STK33: variants seen among roughly 807,000 people sequenced by gnomAD.
STK33 encodes serine/threonine kinase 33.
In STK33, 52 loss-of-function variants were observed where a neutral mutation model predicts 58.0. The ratio of observed to expected loss-of-function variants is 0.90; its 90% confidence interval spans 0.72 to 1.13. The LOEUF (loss-of-function observed/expected upper bound fraction) is 1.13. Among genes scored for constraint, STK33 ranks in the 50% most tolerant of loss-of-function variants. STK33 has a pLI of 0.00. For synonymous variants in STK33, 215 were observed against 200.1 expected, an observed-to-expected ratio of 1.07 and a Z score of -0.63; for missense variants, 630 against 604.2, an observed-to-expected ratio of 1.04 and a Z score of -0.45.
At chr11:8,347,247 C>A in the STK33 span, among the ~76,000 whole-genome samples, 13 of 152,326 alleles carry the variant, frequency 8.5e-5, 1 homozygote, top group East Asian at 2.5e-3. Flanking sequence ...GAAGGACATC[C>A]GGCCTACTGC....
chr11:8,455,126 G>C (rs1426003874), intron 9 of STK33, among the ~76,000 whole-genome samples: 2 of 152,100 alleles, frequency 1.3e-5, no homozygotes, highest in African/African-American at 4.8e-5. Context: ...CCATGCTTAG[G>C]TATTCCCAGG....
intron 1 of STK33, among the ~76,000 whole-genome samples, chr11:8,585,253 C>T: frequency 1.1e-5 from 1 of 93,618 alleles, no homozygotes; most frequent in South Asian, 3.4e-4. Flanking sequence ...GAGACGGAGT[C>T]TCACTCTGTC....
rs542078125 is a variant in STK33, at chr11:8,476,711, C to T, written c.-186G>A. 2.0e-5 allele frequency: 3 copies of T among 152,334 alleles called. No homozygotes were observed. The highest frequency in any genetic ancestry group is 3.9e-4 in the East Asian group (2 of 5,192). The allele number at this position is 152,334 out of a possible 1,614,324, so 9.4% of individuals were successfully genotyped here. A position where few individuals can be genotyped will look rare whatever the true frequency, so the allele number is the denominator to read the frequency against. ...CCTTGCTTTGTTTTTCTTCATGCCA[C>T]TTATCATTTCACTCAGGAAGTTTCA... On this transcript the variant is annotated 5_prime_UTR_variant, in exon 4 of 16. It adds an upstream start codon to the 5' untranslated region. Coordinates refer to ENST00000687296, the MANE Select transcript of STK33 (RefSeq NM_001352389.2).
chr11:8,457,884 T>C (rs1033767053), intron 8 of STK33, among the ~76,000 whole-genome samples: 7 of 152,142 alleles, frequency 4.6e-5, no homozygotes, highest in Non-Finnish European at 2.9e-5. Flanking sequence ...ACTCCAAAGC[T>C]TGAAACAGCA....
chr11:8,387,983 T>C (rs1848567594), downstream of STK33, among the ~76,000 whole-genome samples: 1 of 152,218 alleles, frequency 6.6e-6, no homozygotes, highest in Non-Finnish European at 1.5e-5. Context: ...CCTGTATCAA[T>C]GCCCTGGTTA....
At chr11:8,542,133 C>G (rs920232860) in intron 1 of STK33, among the ~76,000 whole-genome samples, 1 of 152,116 alleles carries the variant, frequency 6.6e-6, no homozygotes, top group African/African-American at 2.4e-5. Flanking sequence ...TTCAAAAGAT[C>G]AAGAAATAGT....
intron 8 of STK33, among the ~76,000 whole-genome samples, chr11:8,458,520 A>G (rs1007703384): frequency 1.3e-5 from 2 of 152,054 alleles, no homozygotes; most frequent in Non-Finnish European, 1.5e-5. Context: ...TAGAATCGAG[A>G]CAAGAAGGAG....
downstream of STK33, among the ~76,000 whole-genome samples, chr11:8,389,560 T>C (rs903688868): frequency 2.4e-4 from 36 of 152,192 alleles, no homozygotes; most frequent in Admixed American, 1.3e-4. Context: ...GCAACTTCCC[T>C]GGCCAATTTC....
chr11:8,449,665 A>T (rs2136817164), intron 11 of STK33, among the ~76,000 whole-genome samples: 1 of 148,694 alleles, frequency 6.7e-6, no homozygotes, highest in African/African-American at 2.6e-5. Flanking sequence ...GCATTAGGAG[A>T]TATACCTAAT....
At chr11:8,581,802 A>G (rs1228735502) in intron 1 of STK33, among the ~76,000 whole-genome samples, 1 of 152,246 alleles carries the variant, frequency 6.6e-6, no homozygotes, top group Non-Finnish European at 1.5e-5. Context: ...TTGAACTCTT[A>G]GCGGTTTGCA....
intron 1 of STK33, among the ~76,000 whole-genome samples, chr11:8,586,960 T>C (rs1028621364): frequency 6.6e-6 from 1 of 152,032 alleles, no homozygotes; most frequent in Non-Finnish European, 1.5e-5. Context: ...ATTTAGTAAG[T>C]GAATGACTCA....
intron 1 of STK33, among the ~76,000 whole-genome samples, chr11:8,552,841 A>G (rs1367960557): frequency 6.6e-6 from 1 of 151,946 alleles, no homozygotes. Context: ...TGAAAAGAGG[A>G]GACTCTAAAA....
chr11:8,413,667 G>A lies in STK33; in HGVS notation c.1172C>T (p.Pro391Leu), dbSNP rs1179459830. Residue 391 changes from proline (P) to leucine (L), a missense_variant, in exon 15 of 16, where the codon CCA becomes CTA. Coordinates refer to ENST00000687296, the MANE Select transcript of STK33 (RefSeq NM_001352389.2). ...LTGNKLSSVR[P>L]TNVLEMMKEW... ...CTTCATCATCTCTAATACATTGGTT[G>A]GTCTCACCGAAGAAAGTTTATTGCC... is the stretch of plus-strand genomic sequence containing the variant. 12 of 1,613,432 alleles carry A rather than the reference G, an allele frequency of 7.4e-6. 1 individual carries two copies. Among genetic ancestry groups the A allele is most frequent in the Middle Eastern group, 1.6e-4 (1 of 6,082 alleles).
chr11:8,578,569 T>C (rs1254818174), intron 1 of STK33, among the ~76,000 whole-genome samples: 1 of 151,918 alleles, frequency 6.6e-6, no homozygotes, highest in Non-Finnish European at 1.5e-5. Context: ...TAATATACTA[T>C]ATGTATACCA....
At chr11:8,455,810 C>CAAAAAAAAAAAAAAA (rs1156835375) in intron 9 of STK33, among the ~76,000 whole-genome samples, 1 of 47,118 alleles carries the variant, frequency 2.1e-5, no homozygotes, top group Non-Finnish European at 3.9e-5. Flanking sequence ...GACTCTGTCT[C>CAAAAAAAAAAAAAAA]AAAAAAAAAA....
At position 8,436,011 on chromosome 11, in the gene STK33, A is replaced by G. The variant is rs1269854687; in HGVS notation, c.1060+16T>C. 7.1e-7 allele frequency: 1 copy of G among 1,401,480 alleles called. No homozygotes were observed. Among genetic ancestry groups the G allele is most frequent in the Non-Finnish European group, 9.6e-7 (1 of 1,041,710 alleles). The allele number at this position is 1,401,480 out of a possible 1,614,324, so 86.8% of individuals were successfully genotyped here. On this transcript the variant is annotated intron_variant, in intron 13 of 15. Coordinates refer to ENST00000687296, the MANE Select transcript of STK33 (RefSeq NM_001352389.2). ...CTTATATTAGCTTTAGTAAATAATAACGCATCTATACTTACCACAGTCACT... is the reference window on the plus strand; with the variant it reads ...CTTATATTAGCTTTAGTAAATAATAGCGCATCTATACTTACCACAGTCACT...
At chr11:8,370,302 A>G in the STK33 span, among the ~76,000 whole-genome samples, 1 of 152,044 alleles carries the variant, frequency 6.6e-6, no homozygotes, top group Non-Finnish European at 1.5e-5. Context: ...GGCTCAAGCA[A>G]TCCTCCCACC....
intron 15 of STK33, among the ~76,000 whole-genome samples, chr11:8,396,381 T>C (rs1474261699): frequency 6.6e-6 from 1 of 152,242 alleles, no homozygotes; most frequent in Non-Finnish European, 1.5e-5. Context: ...ATACTGTATG[T>C]GTATGGGTAC....
At chr11:8,446,248 G>C (rs534076656) in intron 11 of STK33, among the ~76,000 whole-genome samples, 1 of 143,150 alleles carries the variant, frequency 7.0e-6, no homozygotes, top group South Asian at 2.4e-4. Flanking sequence ...TTTTTATTGT[G>C]TCTATTTGAT....
Sources: gnomAD v4.1 joint callset for allele counts (sites outside exome capture counted in the v4.1 genomes callset) on GRCh38, gnomAD v4.1.1 for gene constraint, MANE v1.5 for transcripts, NCBI Gene and HGNC (gene_info 2026-07-23, HGNC 2026-07-21) for gene names.